The following ERP44 variants were observed in gnomAD, a reference collection of about 807,000 sequenced individuals.
The protein encoded by ERP44 is endoplasmic reticulum resident protein 44.
A neutral mutation model predicts 53.4 loss-of-function variants in ERP44; 25 were observed. The ratio of observed to expected loss-of-function variants is 0.47; its 90% CI spans 0.34 to 0.65. The LOEUF (loss-of-function observed/expected upper bound fraction) is 0.65, where lower values mean the gene tolerates loss of function less well. Among genes scored for constraint, ERP44 ranks in the 30% least tolerant of loss-of-function variants. ERP44 has a pLI of 0.01. For missense variants in ERP44, 338 were observed against 493.2 expected, an observed-to-expected ratio of 0.69 and a Z score of 2.98; for synonymous variants, 145 against 161.2, an observed-to-expected ratio of 0.90 and a Z score of 0.76.
At chr9:100,029,711 C>G (rs1383237328) in intron 4 of ERP44, among the ~76,000 whole-genome samples, 1 of 152,206 alleles carries the variant, frequency 6.6e-6, no homozygotes, top group Non-Finnish European at 1.5e-5. Flanking sequence ...AAGGACATAT[C>G]TGCACCACCG....
At chr9:100,042,535 T>C (rs1825916617) in intron 4 of ERP44, among the ~76,000 whole-genome samples, 1 of 152,096 alleles carries the variant, frequency 6.6e-6, no homozygotes, top group African/African-American at 2.4e-5. Flanking sequence ...AACGACCATA[T>C]GATCCCATGA....
intron 1 of ERP44, among the ~76,000 whole-genome samples, chr9:100,096,297 C>T (rs901611074): frequency 2.0e-5 from 3 of 151,960 alleles, no homozygotes; most frequent in African/African-American, 7.3e-5. Context: ...CAGCGGAAAA[C>T]CCTGAATAAA....
chr9:100,048,185 G>C (rs145533026), intron 4 of ERP44, among the ~76,000 whole-genome samples: 1 of 152,002 alleles, frequency 6.6e-6, no homozygotes, highest in African/African-American at 2.4e-5. Flanking sequence ...GTGGGTGGAG[G>C]GGGGAGGGAT....
chr9:100,015,644 A>G (rs1830519041), intron 8 of ERP44, among the ~76,000 whole-genome samples: 1 of 152,202 alleles, frequency 6.6e-6, no homozygotes, highest in Non-Finnish European at 1.5e-5. Flanking sequence ...CATTGTATAG[A>G]AATAATTGTA....
intron 1 of ERP44, among the ~76,000 whole-genome samples, chr9:100,062,197 A>G (rs184810415): frequency 1.3e-5 from 2 of 152,196 alleles, no homozygotes; most frequent in Non-Finnish European, 2.9e-5. Flanking sequence ...GAATAAAAAT[A>G]AAGTTTTTCC....
At position 100,098,890 on chromosome 9, in the gene ERP44, G is replaced by T. The variant is rs1253109824; in HGVS notation, c.-50C>A. The T allele has an allele frequency of 6.5e-7, 1 of 1,541,298 alleles. No individual in the cohort carries two copies. Among genetic ancestry groups the T allele is most frequent in the Admixed American group, 1.7e-5 (1 of 59,372 alleles). ...GACAGGCGCTGGCGGCTGGGACTGG[G>T]CTAGGTTGGGTTGGGTTAGGAAAGG... On this transcript the variant is annotated 5_prime_UTR_variant, in exon 1 of 12. Transcript: ENST00000262455.
At chr9:99,987,442 ATTCTT>A (rs1830206420) in intron 10 of ERP44, among the ~76,000 whole-genome samples, 2 of 152,218 alleles carry the variant, frequency 1.3e-5, no homozygotes, top group Non-Finnish European at 2.9e-5. Context: ...TTTATTTACA[ATTCTT>A]TATTTTTAGG....
At chr9:100,065,418 G>A (rs899100231) in intron 1 of ERP44, among the ~76,000 whole-genome samples, 4 of 151,854 alleles carry the variant, frequency 2.6e-5, no homozygotes, top group Non-Finnish European at 4.4e-5. Flanking sequence ...ACATATCCCC[G>A]TCATCATGCC....
intron 8 of ERP44, among the ~76,000 whole-genome samples, chr9:100,013,569 A>G (rs561449170): frequency 6.6e-6 from 1 of 152,256 alleles, no homozygotes; most frequent in South Asian, 2.1e-4. Flanking sequence ...ACTGATCATC[A>G]GGGAAATATA....
intron 4 of ERP44, among the ~76,000 whole-genome samples, chr9:100,022,783 G>A (rs1830607507): frequency 6.6e-6 from 1 of 152,028 alleles, no homozygotes; most frequent in Non-Finnish European, 1.5e-5. Flanking sequence ...CTCTAGCATA[G>A]GCAATCAAAA....
At chr9:100,085,690 A>T (rs1315823268) in intron 1 of ERP44, among the ~76,000 whole-genome samples, 3 of 152,206 alleles carry the variant, frequency 2.0e-5, no homozygotes, top group Admixed American at 6.5e-5. Flanking sequence ...ACCTGAGATC[A>T]GGAGTTCGAG....
intron 10 of ERP44, among the ~76,000 whole-genome samples, chr9:99,991,821 AT>A (rs1245697721): frequency 6.6e-6 from 1 of 152,236 alleles, no homozygotes; most frequent in African/African-American, 2.4e-5. Context: ...CAATAAAAAA[AT>A]GATAAAGGGG....
At chr9:99,995,937 T>TA (rs1444801604) in intron 10 of ERP44, among the ~76,000 whole-genome samples, 2 of 150,450 alleles carry the variant, frequency 1.3e-5, no homozygotes, top group African/African-American at 2.4e-5. Flanking sequence ...TTTTTTTTTT[T>TA]TTTTATTTTG....
chr9:100,068,716 G>A (rs1158091166), intron 1 of ERP44, among the ~76,000 whole-genome samples: 1 of 149,942 alleles, frequency 6.7e-6, no homozygotes, highest in Non-Finnish European at 1.5e-5. Flanking sequence ...GAGGTGAGGG[G>A]CGCCTCTGCC....
chr9:100,052,319 AG>A (rs780041297), intron 4 of ERP44, 97 bp downstream of exon 4: 16 of 547,040 alleles, frequency 2.9e-5, no homozygotes, highest in South Asian at 4.5e-5. Flanking sequence ...AAAAAAGAAA[AG>A]GAAAAAAAAA....
chr9:100,074,172 G>C (rs961903891), intron 1 of ERP44, among the ~76,000 whole-genome samples: 6 of 152,034 alleles, frequency 3.9e-5, no homozygotes, highest in Admixed American at 2.0e-4. Flanking sequence ...GGTAAATTTC[G>C]CTAGAGCCAA....
intron 1 of ERP44, among the ~76,000 whole-genome samples, chr9:100,093,415 G>T (rs1026864430): frequency 6.6e-6 from 1 of 152,174 alleles, no homozygotes; most frequent in Non-Finnish European, 1.5e-5. Context: ...AGGCCAAAGC[G>T]GGTGGATCGC....
intron 10 of ERP44, among the ~76,000 whole-genome samples, chr9:99,995,978 T>G (rs1288197762): frequency 6.7e-6 from 1 of 149,690 alleles, no homozygotes; most frequent in East Asian, 2.0e-4. Context: ...CCATAATGAC[T>G]ATACTAATCT....
At chr9:100,049,953 T>C (rs1480329642) in intron 4 of ERP44, among the ~76,000 whole-genome samples, 3 of 151,554 alleles carry the variant, frequency 2.0e-5, no homozygotes, top group East Asian at 3.9e-4. Flanking sequence ...AATTGTGGTA[T>C]ATAGCCACAC....
Sources: allele counts gnomAD v4.1 joint callset (sites outside exome capture counted in the v4.1 genomes callset), GRCh38; gene constraint gnomAD v4.1.1; transcripts MANE v1.5; gene names NCBI Gene and HGNC (gene_info 2026-07-23, HGNC 2026-07-21).